The following TTL variants were observed in gnomAD, a reference collection of about 807,000 sequenced individuals.
The protein encoded by TTL is tubulin tyrosine ligase, also known as tubulin--tyrosine ligase.
In TTL, 10 loss-of-function variants were observed where a neutral mutation model predicts 41.1. The observed-to-expected ratio is 0.24, with a 90% CI of 0.15 to 0.41. The LOEUF (loss-of-function observed/expected upper bound fraction) is 0.41, where lower values mean the gene tolerates loss of function less well. TTL is among the 10% of genes least tolerant of loss of function. The pLI, the probability that TTL is intolerant of heterozygous loss-of-function variation, is 1.00. For missense variants in TTL, 367 were observed against 460.4 expected, an observed-to-expected ratio of 0.80 and a Z score of 1.86; for synonymous variants, 175 against 175.5, an observed-to-expected ratio of 1.00 and a Z score of 0.02.
chr2:112,538,603 T>G lies in TTL; in HGVS notation c.*9808T>G, dbSNP rs1682643769. The G allele has an allele frequency of 1.3e-5, 2 of 151,944 alleles. No homozygotes were observed. Among genetic ancestry groups the G allele is most frequent in the Non-Finnish European group, 2.9e-5 (2 of 67,992 alleles). 9.4% of individuals were successfully genotyped at this position (151,944 alleles called of 1,614,324 possible). A position where few individuals can be genotyped will look rare whatever the true frequency, so the allele number is the denominator to read the frequency against. Reference sequence around the variant, plus strand: ...GTCCAGCCTGGGCAACATGATTAAATCTGGTCTCTATAAAAAATACAAGAA... The same window carrying G: ...GTCCAGCCTGGGCAACATGATTAAAGCTGGTCTCTATAAAAAATACAAGAA... On this transcript the variant is annotated 3_prime_UTR_variant, in exon 7 of 7. Coordinates refer to ENST00000233336, the MANE Select transcript of TTL (RefSeq NM_153712.5).
intron 3 of TTL, among the ~76,000 whole-genome samples, chr2:112,499,464 A>G (rs1470523109): frequency 6.6e-6 from 1 of 152,228 alleles, no homozygotes; most frequent in Non-Finnish European, 1.5e-5. Flanking sequence ...ATCAACAGGC[A>G]GAAAAATGAA....
chr2:112,517,156 CAAA>C (rs33990458), intron 5 of TTL, among the ~76,000 whole-genome samples: 8,663 of 105,458 alleles, frequency 0.082, 383 homozygotes, highest in East Asian at 0.29. Flanking sequence ...GAGCTTTCAG[CAAA>C]AAAAAAAAAA....
At chr2:112,519,558 T>G (rs1018312740) in intron 5 of TTL, among the ~76,000 whole-genome samples, 10 of 151,590 alleles carry the variant, frequency 6.6e-5, no homozygotes, top group Non-Finnish European at 1.0e-4. Flanking sequence ...ATGTTTTTTT[T>G]TTTTTTTTTT....
chr2:112,490,784 G>A lies in TTL; in HGVS notation c.237-3359G>A, dbSNP rs560574719. ...GACGGGATTTCACCATGTTGACCAG[G>A]CTGGTCTTGAACTCCTGACCTCAGG... On this transcript the variant is annotated intron_variant, in intron 2 of 6. Coordinates refer to ENST00000233336, the MANE Select transcript of TTL (RefSeq NM_153712.5). 4.1e-3 allele frequency among the ~76,000 whole-genome samples: 623 copies of A among 151,890 alleles called. 2 individuals carry two copies. Among genetic ancestry groups the A allele is most frequent in the African/African-American group, 0.014 (600 of 41,416 alleles).
chr2:112,540,530 A>G lies in TTL; in HGVS notation c.*11735A>G, dbSNP rs1439927073. On this transcript the variant is annotated 3_prime_UTR_variant, in exon 7 of 7. Transcript: ENST00000233336. ...ATCAAATAAATCTGGAGAAAGAAGA[A>G]CAAAGTTGGAGGATGTGCACTTCCT... 6.6e-6 allele frequency: 1 copy of G among 152,256 alleles called. No individual in the cohort carries two copies. Among genetic ancestry groups the G allele is most frequent in the East Asian group, 1.9e-4 (1 of 5,204 alleles). 9.4% of individuals were successfully genotyped at this position (152,256 alleles called of 1,614,324 possible). A position where few individuals can be genotyped will look rare whatever the true frequency, so the allele number is the denominator to read the frequency against.
chr2:112,502,028 A>G (rs1681715028), intron 4 of TTL, among the ~76,000 whole-genome samples: 1 of 152,088 alleles, frequency 6.6e-6, no homozygotes, highest in African/African-American at 2.4e-5. Context: ...ATTTCTCCTC[A>G]CTTCATTGTT....
intron 6 of TTL, chr2:112,521,387 C>A: frequency 1.0e-6 from 1 of 983,874 alleles, no homozygotes; most frequent in East Asian, 1.1e-4. Flanking sequence ...CAGGGAAAGT[C>A]ACTCGGACTC....
chr2:112,532,898 T>G lies in TTL; in HGVS notation c.*4103T>G, dbSNP rs1682539516. 6.6e-6 allele frequency: 1 copy of G among 152,296 alleles called. No individual in the cohort carries two copies. Among genetic ancestry groups the G allele is most frequent in the Non-Finnish European group, 1.5e-5 (1 of 68,080 alleles). 9.4% of individuals were successfully genotyped at this position (152,296 alleles called of 1,614,324 possible). ...CTTCTCAGTGAAGCACTGAGACTAT[T>G]TCAGCTGCCAAAGTCCCAGCCCATC... On this transcript the variant is annotated 3_prime_UTR_variant, in exon 7 of 7. Coordinates refer to ENST00000233336, the MANE Select transcript of TTL (RefSeq NM_153712.5).
In TTL at chr2:112,482,290, G is replaced by T; in HGVS notation, c.-55G>T. On this transcript the variant is annotated 5_prime_UTR_variant, in exon 1 of 7. Transcript: ENST00000233336. The surrounding 1 kb of genome is among the most constrained non-coding windows in gnomAD (Gnocchi z 5.3). ...GGGGTCCGCGCTGAGCCGCCTTCTC[G>T]GCCGCCTGGTCCCTGCGGCGGCTGC... The T allele has an allele frequency of 1.6e-6, 2 of 1,265,818 alleles. No homozygotes were observed. Among genetic ancestry groups the T allele is most frequent in the South Asian group, 1.5e-5 (1 of 65,606 alleles). 78.4% of individuals were successfully genotyped at this position (1,265,818 alleles called of 1,614,324 possible). A position where few individuals can be genotyped will look rare whatever the true frequency, so the allele number is the denominator to read the frequency against.
intron 6 of TTL, among the ~76,000 whole-genome samples, chr2:112,523,807 TATTATACTTTA>T (rs1682304889): frequency 1.3e-5 from 2 of 152,168 alleles, no homozygotes. Flanking sequence ...ATTTTGTTAT[TATTATACTTTA>T]AGTTCTAGGG....
At chr2:112,521,312 G>C in intron 6 of TTL, 10 of 985,358 alleles carry the variant, frequency 1.0e-5, no homozygotes, top group Non-Finnish European at 1.2e-5. Context: ...TGTAGCATGA[G>C]CGTCATGGAG....
At chr2:112,486,890 C>T (rs901004712) in intron 2 of TTL, among the ~76,000 whole-genome samples, 2 of 152,130 alleles carry the variant, frequency 1.3e-5, no homozygotes, top group Admixed American at 1.3e-4. Context: ...TAATAACTAC[C>T]TAAGGTTGTT....
chr2:112,509,877 A>AC (rs1354576132), intron 5 of TTL, among the ~76,000 whole-genome samples: 1 of 151,498 alleles, frequency 6.6e-6, no homozygotes, highest in Non-Finnish European at 1.5e-5. Flanking sequence ...CAGGTGATCT[A>AC]CCCCCCTCGG....
chr2:112,536,378 C>G lies in TTL; in HGVS notation c.*7583C>G, dbSNP rs1349750690. Reference sequence around the variant, plus strand: ...ATCAGCCAATGCACCTGGCAAAACACACTTTAGATTCAAAAACACAAACAG... The same window carrying G: ...ATCAGCCAATGCACCTGGCAAAACAGACTTTAGATTCAAAAACACAAACAG... On this transcript the variant is annotated 3_prime_UTR_variant, in exon 7 of 7. Transcript: ENST00000233336. 6.6e-6 allele frequency: 1 copy of G among 152,060 alleles called. No homozygotes were observed. Among genetic ancestry groups the G allele is most frequent in the Non-Finnish European group, 1.5e-5 (1 of 68,030 alleles). The allele number at this position is 152,060 out of a possible 1,614,324, so 9.4% of individuals were successfully genotyped here. A position where few individuals can be genotyped will look rare whatever the true frequency, so the allele number is the denominator to read the frequency against.
intron 6 of TTL, chr2:112,522,267 T>C: frequency 6.6e-6 from 1 of 152,668 alleles, no homozygotes. Context: ...ATTCCTCTGT[T>C]CCCATCCATG....
intron 3 of TTL, among the ~76,000 whole-genome samples, chr2:112,496,673 G>C (rs1466006158): frequency 1.9e-5 from 2 of 107,802 alleles, no homozygotes; most frequent in Admixed American, 2.2e-4. Context: ...GTCTGTGTGT[G>C]TGTGTGTGTG....
At chr2:112,494,586 A>G (rs1681476829) in intron 3 of TTL, among the ~76,000 whole-genome samples, 1 of 152,150 alleles carries the variant, frequency 6.6e-6, no homozygotes, top group Non-Finnish European at 1.5e-5. Context: ...TGACACCCTC[A>G]CCATCTCTAA....
chr2:112,487,924 A>G (rs760240738), intron 2 of TTL, among the ~76,000 whole-genome samples: 1 of 152,224 alleles, frequency 6.6e-6, no homozygotes, highest in African/African-American at 2.4e-5. Context: ...CCTTGATTTT[A>G]TAGGACAAAG....
intron 5 of TTL, among the ~76,000 whole-genome samples, chr2:112,516,614 C>T (rs929332759): frequency 1.3e-5 from 2 of 152,164 alleles, no homozygotes; most frequent in African/African-American, 4.8e-5. Context: ...GTGGAGGTTG[C>T]AGTGAGCCAA....
Sources: gnomAD v4.1 joint callset for allele counts (sites outside exome capture counted in the v4.1 genomes callset) on GRCh38, gnomAD v4.1.1 for gene constraint, Gnocchi (gnomAD v3.1) non-coding constraint, MANE v1.5 for transcripts, NCBI Gene and HGNC (gene_info 2026-07-23, HGNC 2026-07-21) for gene names.